NLGN4X: variants seen among roughly 807,000 people sequenced by gnomAD.
The protein encoded by NLGN4X is neuroligin 4 X-linked.
NLGN4X carries 3 observed loss-of-function variants against 40.3 expected under a neutral mutation model. The observed-to-expected ratio is 0.07, with a 90% confidence interval of 0.03 to 0.19. The LOEUF is 0.19. Ranked by LOEUF, NLGN4X falls within the 10% of genes least tolerant of loss-of-function variation. NLGN4X has a pLI of 1.00. For missense variants in NLGN4X, 382 were observed against 708.3 expected (o/e 0.54, Z 5.23); for synonymous variants, 270 against 306.8 (o/e 0.88, Z 1.25).
chrX:5,894,996 C>T (rs762806062), intron 5 of NLGN4X, among the ~76,000 whole-genome samples: 53 of 112,060 alleles, frequency 4.7e-4, no homozygotes, highest in Non-Finnish European at 2.4e-4. Context: ...GTGAAACTGC[C>T]TCCAGTCATT....
At chrX:6,021,191 C>T (rs1482390990) in intron 3 of NLGN4X, among the ~76,000 whole-genome samples, 3 of 106,789 alleles carry the variant, frequency 2.8e-5, no homozygotes, top group African/African-American at 1.0e-4. Flanking sequence ...ATCCTCCCAC[C>T]TTGGCCTCCC....
chrX:6,006,100 G>C (rs1374936122), intron 3 of NLGN4X, among the ~76,000 whole-genome samples: 1 of 110,953 alleles, frequency 9.0e-6, no homozygotes, highest in African/African-American at 3.3e-5. Context: ...ACCCTCAGAG[G>C]GGAAAGGGGA....
At chrX:6,215,497 C>T (rs1924996195) in intron 1 of NLGN4X, among the ~76,000 whole-genome samples, 1 of 105,102 alleles carries the variant, frequency 9.5e-6, no homozygotes, top group Admixed American at 1.0e-4. Flanking sequence ...TGCGGTGAGC[C>T]GAGACTGCGC....
intron 2 of NLGN4X, among the ~76,000 whole-genome samples, chrX:6,039,209 T>C (rs764870031): frequency 9.0e-6 from 1 of 111,601 alleles, no homozygotes; most frequent in East Asian, 2.8e-4. Flanking sequence ...AAATCCCCTG[T>C]ACCTATTCTT....
chrX:5,972,458 T>G (rs2035052761), intron 3 of NLGN4X, among the ~76,000 whole-genome samples: 1 of 111,480 alleles, frequency 9.0e-6, no homozygotes, highest in African/African-American at 3.3e-5. Flanking sequence ...GCTAAGTTCT[T>G]ATTGTAATCC....
intron 2 of NLGN4X, among the ~76,000 whole-genome samples, chrX:6,091,681 T>C (rs953389060): frequency 3.6e-5 from 4 of 112,230 alleles, no homozygotes; most frequent in Middle Eastern, 4.7e-3. Flanking sequence ...GACAACTATA[T>C]TCCTGCCAAG....
At chrX:6,155,110 T>C (rs2040236451) in intron 1 of NLGN4X, among the ~76,000 whole-genome samples, 1 of 111,027 alleles carries the variant, frequency 9.0e-6, no homozygotes, top group South Asian at 3.8e-4. Context: ...CCTGGGAATA[T>C]ATTAGAAAAC....
chrX:6,211,762 T>C (rs1924625292), intron 1 of NLGN4X, among the ~76,000 whole-genome samples: 1 of 112,084 alleles, frequency 8.9e-6, no homozygotes, highest in African/African-American at 3.2e-5. Context: ...TAGATGTAGA[T>C]AGAGAATTAT....
At chrX:6,198,035 C>A (rs1336808038) in intron 1 of NLGN4X, among the ~76,000 whole-genome samples, 1 of 107,839 alleles carries the variant, frequency 9.3e-6, no homozygotes, top group Non-Finnish European at 1.9e-5. Context: ...CTGCACTCCA[C>A]CCTGGGTGAC....
rs146892246 is a variant in NLGN4X at position 5,984,027 on chromosome X, T to C, written c.625+45253A>G. 3.1e-4 allele frequency among the ~76,000 whole-genome samples: 35 copies of C among 111,189 alleles called. No individual in the cohort carries two copies. In the East Asian group the frequency reaches 9.3e-3, roughly 30 times the overall value. On this transcript the variant is annotated intron_variant, in intron 3 of 5. Coordinates refer to ENST00000381095, the MANE Select transcript of NLGN4X (RefSeq NM_181332.3). ...ATGAGAATATCTAATATATGCATAA[T>C]TATAATACTTAGACCATGAAGATAT... is the stretch of plus-strand genomic sequence containing the variant.
At chrX:5,903,894 A>G in intron 4 of NLGN4X, 28 bp from the exon 5 acceptor site, 1 of 1,207,685 alleles carries the variant, frequency 8.3e-7, no homozygotes, top group Non-Finnish European at 1.1e-6. Context: ...TGGACATGCA[A>G]ATGAAAACCC....
At chrX:5,924,208 A>G (rs996894660) in intron 3 of NLGN4X, among the ~76,000 whole-genome samples, 1 of 111,848 alleles carries the variant, frequency 8.9e-6, no homozygotes, top group Admixed American at 9.5e-5. Context: ...AATTTGCTGA[A>G]TATGGAATCA....
intron 2 of NLGN4X, among the ~76,000 whole-genome samples, chrX:6,135,164 A>T (rs1436922073): frequency 8.9e-6 from 1 of 111,887 alleles, no homozygotes; most frequent in Non-Finnish European, 1.9e-5. Context: ...CTGATTTGCC[A>T]CCAGCTGACA....
intron 2 of NLGN4X, among the ~76,000 whole-genome samples, chrX:6,074,313 T>C (rs756610196): frequency 6.3e-5 from 7 of 111,520 alleles, no homozygotes; most frequent in Non-Finnish European, 9.4e-5. Flanking sequence ...TTTCCATGGT[T>C]CCTAGAGTGA....
chrX:5,965,074 T>C (rs1015949387), intron 3 of NLGN4X, among the ~76,000 whole-genome samples: 2 of 111,821 alleles, frequency 1.8e-5, no homozygotes, highest in African/African-American at 3.2e-5. Flanking sequence ...TGAATATACA[T>C]GCTAAGTTTA....
rs185676032 is a variant in NLGN4X at position 6,001,744 on chromosome X, G to A, written c.625+27536C>T. Among the ~76,000 whole-genome samples the A allele has an allele frequency of 2.8e-3, 305 of 108,349 alleles. 1 individual carries two copies. The highest frequency in any genetic ancestry group is 9.8e-3 in the African/African-American group (293 of 29,762). 94.1% of individuals were successfully genotyped at this position (108,349 alleles called of 115,157 possible). ...GTACATTCACCATCAAATCCTGCCC[G>A]AGCTCTTGGGAAGGTAAATAAGCTA... On this transcript the variant is annotated intron_variant, in intron 3 of 5. Coordinates refer to ENST00000381095, the MANE Select transcript of NLGN4X (RefSeq NM_181332.3).
chrX:6,183,407 A>C lies in NLGN4X; in HGVS notation c.-305-31636T>G, dbSNP rs372571206. Among the ~76,000 whole-genome samples, 3 of 110,941 alleles carry C rather than the reference A, an allele frequency of 2.7e-5. No homozygotes were observed. The East Asian group carries it at 8.6e-4, about 32-fold the overall frequency. The stretch of plus-strand genomic sequence containing the variant: ...CTAAAAATACAAAAAATTAGCCAGG[A>C]GTGGTGGTGGGCGCCTGTAGTCCCA... On this transcript the variant is annotated intron_variant, in intron 1 of 5. Coordinates refer to ENST00000381095, the MANE Select transcript of NLGN4X (RefSeq NM_181332.3).
At chrX:5,920,407 A>G (rs2032983927) in intron 3 of NLGN4X, among the ~76,000 whole-genome samples, 1 of 112,292 alleles carries the variant, frequency 8.9e-6, no homozygotes. Context: ...TAAAGCTCAC[A>G]GGAGCCACTG....
intron 3 of NLGN4X, among the ~76,000 whole-genome samples, chrX:5,936,794 C>G (rs938207924): frequency 1.2e-4 from 13 of 111,866 alleles, no homozygotes; most frequent in Non-Finnish European, 2.3e-4. Flanking sequence ...AAGAGAACTG[C>G]CTTTCAGAGA....
Sources: gnomAD v4.1 joint callset for allele counts (sites outside exome capture counted in the v4.1 genomes callset) on GRCh38, gnomAD v4.1.1 for gene constraint, MANE v1.5 for transcripts, NCBI Gene and HGNC (gene_info 2026-07-23, HGNC 2026-07-21) for gene names.